Variants in CADPS observed in about 807,000 individuals in gnomAD.
The protein encoded by CADPS is calcium dependent secretion activator.
In CADPS, 57 loss-of-function variants were observed where a neutral mutation model predicts 167.3. The ratio of observed to expected loss-of-function variants is 0.34; its 90% CI spans 0.28 to 0.42. The LOEUF is 0.42. CADPS is among the 20% of genes least tolerant of loss of function. CADPS has a pLI of 1.00. For synonymous variants in CADPS, 676 were observed against 635.3 expected, an observed-to-expected ratio of 1.06 and a Z score of -0.96; for missense variants, 1,414 against 1,738.1, an observed-to-expected ratio of 0.81 and a Z score of 3.32.
chr3:62,549,889 G>A lies in CADPS; in HGVS notation c.1966+14C>T, dbSNP rs1262208419. On this transcript the variant is annotated intron_variant, in intron 11 of 29. Coordinates refer to ENST00000383710, the MANE Select transcript of CADPS (RefSeq NM_003716.4). ...TCTACAGAGCTATTTTTGTAAAACGGCATATTTACTTACAAAATTGAGAGA... is the reference window on the plus strand; with the variant it reads ...TCTACAGAGCTATTTTTGTAAAACGACATATTTACTTACAAAATTGAGAGA... 2 of 1,598,716 alleles carry A rather than the reference G, an allele frequency of 1.3e-6. No individual in the cohort carries two copies. The highest frequency in any genetic ancestry group is 1.1e-5 in the South Asian group (1 of 90,556).
chr3:62,854,291 A>C (rs570788917), intron 1 of CADPS, among the ~76,000 whole-genome samples: 9 of 152,210 alleles, frequency 5.9e-5, no homozygotes, highest in African/African-American at 9.6e-5. Context: ...CTCTCTATGC[A>C]TTCCTTTCGT....
intron 1 of CADPS, among the ~76,000 whole-genome samples, chr3:62,795,455 T>C (rs1388992010): frequency 6.6e-6 from 1 of 152,208 alleles, no homozygotes; most frequent in Non-Finnish European, 1.5e-5. Flanking sequence ...TGACACTCAA[T>C]AAACATTAAA....
At chr3:62,587,078 C>G (rs1455057811) in intron 7 of CADPS, among the ~76,000 whole-genome samples, 1 of 152,176 alleles carries the variant, frequency 6.6e-6, no homozygotes, top group Non-Finnish European at 1.5e-5. Context: ...TTGTTTTTAT[C>G]TCATGATATG....
chr3:62,754,041 G>C (rs983359379), intron 2 of CADPS, among the ~76,000 whole-genome samples: 3 of 152,194 alleles, frequency 2.0e-5, no homozygotes, highest in African/African-American at 7.2e-5. Flanking sequence ...TATCATGAGA[G>C]GCAGCACATG....
chr3:62,571,454 C>T (rs978717813), intron 8 of CADPS, among the ~76,000 whole-genome samples: 1 of 152,112 alleles, frequency 6.6e-6, no homozygotes, highest in Non-Finnish European at 1.5e-5. Context: ...TCTCCAAAAG[C>T]TCTTCTGTTG....
intron 27 of CADPS, chr3:62,440,384 T>C (rs1023888863): frequency 1.3e-5 from 2 of 152,130 alleles, no homozygotes; most frequent in African/African-American, 2.4e-5. Flanking sequence ...ATGGGATTAC[T>C]AACAGCTCCC....
intron 6 of CADPS, among the ~76,000 whole-genome samples, chr3:62,615,223 G>C (rs1203370794): frequency 6.6e-6 from 1 of 151,996 alleles, no homozygotes; most frequent in African/African-American, 2.4e-5. Context: ...AGGAAGGAAA[G>C]AGTAATTACT....
At chr3:62,540,881 A>G (rs556355766) in intron 11 of CADPS, among the ~76,000 whole-genome samples, 18 of 152,284 alleles carry the variant, frequency 1.2e-4, no homozygotes, top group African/African-American at 4.1e-4. Flanking sequence ...GATTAAAGAA[A>G]AAGAAAACTC....
At chr3:62,474,635 G>A (rs1225386237) in intron 23 of CADPS, among the ~76,000 whole-genome samples, 15 of 152,096 alleles carry the variant, frequency 9.9e-5, no homozygotes, top group Non-Finnish European at 2.9e-5. Flanking sequence ...CTCGATTATA[G>A]CAGTATAGCA....
At chr3:62,419,618 G>A (rs779478095) in intron 28 of CADPS, among the ~76,000 whole-genome samples, 2 of 152,116 alleles carry the variant, frequency 1.3e-5, no homozygotes, top group Non-Finnish European at 2.9e-5. Context: ...TTAAGATGTA[G>A]GAGAAGGATT....
chr3:62,669,691 A>AT (rs1042924544), intron 3 of CADPS, among the ~76,000 whole-genome samples: 5 of 152,064 alleles, frequency 3.3e-5, no homozygotes, highest in African/African-American at 1.2e-4. Flanking sequence ...CCTAGCTTTT[A>AT]TTTTTTTCAA....
Position 62,438,057 on chromosome 3 carries a change from G to T in CADPS, c.3777+47C>A. 8.0e-7 allele frequency: 1 copy of T among 1,248,848 alleles called. No individual in the cohort carries two copies. The highest frequency in any genetic ancestry group is 1.2e-6 in the Non-Finnish European group (1 of 855,696). The allele number at this position is 1,248,848 out of a possible 1,614,324, so 77.4% of individuals were successfully genotyped here. ...CCTGTCTCTTATTTTGTCACATTTT[G>T]GAGGGTCTCCTCCTTGGTTTTCAAG... On this transcript the variant is annotated intron_variant, in intron 28 of 29. Transcript: ENST00000383710. This position sits in a 1 kb window ranked among gnomAD's most constrained non-coding sequence, Gnocchi z 4.7.
rs1461234900 is a variant in CADPS, at chr3:62,678,556, T to C, written c.889-16162A>G. 2.6e-5 allele frequency among the ~76,000 whole-genome samples: 4 copies of C among 151,992 alleles called. No homozygotes were observed. The East Asian group carries it at 5.8e-4, about 22-fold the overall frequency. On this transcript the variant is annotated intron_variant, in intron 3 of 29. Transcript: ENST00000383710. ...CTTGTACAGAAGGAAGAAACTGCAA[T>C]GAATTCATTTTACAGAAGAACATCT...
intron 3 of CADPS, among the ~76,000 whole-genome samples, chr3:62,707,212 C>T (rs774341409): frequency 1.3e-5 from 2 of 152,022 alleles, no homozygotes; most frequent in Non-Finnish European, 2.9e-5. Flanking sequence ...TATAGGAGCG[C>T]GAACCCTATT....
chr3:62,428,050 A>G (rs2149539608), intron 28 of CADPS, among the ~76,000 whole-genome samples: 1 of 152,296 alleles, frequency 6.6e-6, no homozygotes, highest in Non-Finnish European at 1.5e-5. Flanking sequence ...AAGGCAGCCC[A>G]ATATGGCAAG....
intron 3 of CADPS, among the ~76,000 whole-genome samples, chr3:62,707,710 G>C (rs2082585065): frequency 6.6e-6 from 1 of 151,968 alleles, no homozygotes; most frequent in South Asian, 2.1e-4. Context: ...ATCAACATAA[G>C]AAAACACAAT....
chr3:62,841,591 C>G (rs1254739907), intron 1 of CADPS, among the ~76,000 whole-genome samples: 1 of 152,130 alleles, frequency 6.6e-6, no homozygotes, highest in Non-Finnish European at 1.5e-5. Context: ...GTGGCATGTG[C>G]CTGTAGTCCC....
chr3:62,441,143 T>C (rs1460293271), intron 27 of CADPS: 3 of 152,252 alleles, frequency 2.0e-5, no homozygotes, highest in Admixed American at 1.3e-4. Context: ...ATTATGCTTT[T>C]ATATCATTGT....
intron 3 of CADPS, among the ~76,000 whole-genome samples, chr3:62,731,341 G>A (rs778845167): frequency 2.0e-5 from 3 of 152,096 alleles, no homozygotes; most frequent in Non-Finnish European, 4.4e-5. Context: ...GAGAGGGATG[G>A]CATAGAGGTG....
Sources: gnomAD v4.1 joint callset for allele counts (sites outside exome capture counted in the v4.1 genomes callset) on GRCh38, gnomAD v4.1.1 for gene constraint, Gnocchi (gnomAD v3.1) non-coding constraint, MANE v1.5 for transcripts, NCBI Gene and HGNC (gene_info 2026-07-23, HGNC 2026-07-21) for gene names.